The following NYAP2 variants were observed in gnomAD, a reference collection of about 807,000 sequenced individuals.
NYAP2 encodes neuronal tyrosine-phosphorylated phosphoinositide-3-kinase adapter 2.
In NYAP2, 23 loss-of-function variants were observed where a neutral mutation model predicts 50.4. The observed-to-expected ratio is 0.46, with a 90% CI of 0.33 to 0.65. The LOEUF (loss-of-function observed/expected upper bound fraction) is 0.65. Among genes scored for constraint, NYAP2 ranks in the 30% least tolerant of loss-of-function variants. The probability of loss-of-function intolerance (pLI) is 0.02; values close to 1 mark genes in which losing one functional copy is unlikely to be tolerated. For missense variants in NYAP2, 885 were observed against 861.0 expected, an observed-to-expected ratio of 1.03 and a Z score of -0.35; for synonymous variants, 394 against 365.2, an observed-to-expected ratio of 1.08 and a Z score of -0.90.
chr2:225,500,829 TC>T (rs1454067339), intron 3 of NYAP2, among the ~76,000 whole-genome samples: 9 of 152,326 alleles, frequency 5.9e-5, no homozygotes, highest in Admixed American at 2.0e-4. Context: ...AACTCATTTT[TC>T]TGGTATGAAA....
chr2:225,479,943 A>G (rs1461949079), intron 3 of NYAP2, among the ~76,000 whole-genome samples: 1 of 152,040 alleles, frequency 6.6e-6, no homozygotes, highest in African/African-American at 2.4e-5. Context: ...AAACAATCCC[A>G]AAGGTGAATA....
chr2:225,541,240 T>A lies in NYAP2; in HGVS notation c.523+27568T>A, dbSNP rs57384067. On this transcript the variant is annotated intron_variant, in intron 4 of 6. Coordinates refer to ENST00000636099, the Ensembl canonical transcript of NYAP2. Reference sequence around the variant, plus strand: ...AAATATTTTATTCCATTTTGTAGGTTGTCTCTTCACTTTGTTTATTGTTTC... The same window carrying A: ...AAATATTTTATTCCATTTTGTAGGTAGTCTCTTCACTTTGTTTATTGTTTC... Among the ~76,000 whole-genome samples the A allele has an allele frequency of 2.3e-3, 354 of 152,364 alleles. 4 individuals are homozygous for A. Among genetic ancestry groups the A allele is most frequent in the African/African-American group, 8.2e-3 (340 of 41,590 alleles).
chr2:225,528,318 A>G (rs1691190205), intron 4 of NYAP2, among the ~76,000 whole-genome samples: 1 of 152,208 alleles, frequency 6.6e-6, no homozygotes, highest in Admixed American at 6.5e-5. Context: ...TACATTCTAA[A>G]TACTTGGCAA....
intron 4 of NYAP2, among the ~76,000 whole-genome samples, chr2:225,537,068 G>A (rs1691364974): frequency 1.3e-5 from 2 of 152,062 alleles, no homozygotes; most frequent in Admixed American, 1.3e-4. Flanking sequence ...GTGAGCCACT[G>A]AGCCCGGCCT....
chr2:225,570,045 C>A (rs893140750), intron 4 of NYAP2, among the ~76,000 whole-genome samples: 1 of 152,224 alleles, frequency 6.6e-6, no homozygotes, highest in Admixed American at 6.5e-5. Context: ...TCTCTACAAG[C>A]AGGCTATGTC....
downstream of NYAP2, among the ~76,000 whole-genome samples, chr2:225,657,657 G>A (rs570150199): frequency 3.4e-4 from 51 of 150,630 alleles, 1 homozygote; most frequent in South Asian, 8.2e-3. Flanking sequence ...AAATGTAAGA[G>A]TAGAAAAACT....
rs552600584 is a variant in NYAP2 at position 225,468,860 on chromosome 2, T to A, written c.222-44511T>A. Among the ~76,000 whole-genome samples, 3 of 152,302 alleles carry A rather than the reference T, an allele frequency of 2.0e-5. No homozygotes were observed. The East Asian group carries it at 5.8e-4, about 29-fold the overall frequency. On this transcript the variant is annotated intron_variant, in intron 3 of 6. Transcript: ENST00000636099. ...TCTGTGTAACCTGTAAAGGTAATAG[T>A]TTGGACTATTTATTTGAATTACTAA...
chr2:225,513,450 G>C (rs750054802), exon 4 of NYAP2: 1 of 1,613,868 alleles, frequency 6.2e-7, no homozygotes. Context: ...GACAATGCCT[G>C]CTCCTCAGGA....
chr2:225,460,951 C>G (rs1350663830), intron 3 of NYAP2, among the ~76,000 whole-genome samples: 1 of 148,630 alleles, frequency 6.7e-6, no homozygotes, highest in Non-Finnish European at 1.5e-5. Context: ...CGAAATCGCG[C>G]CACTGCACTC....
downstream of NYAP2, among the ~76,000 whole-genome samples, chr2:225,656,456 C>T (rs888249650): frequency 2.6e-5 from 4 of 152,170 alleles, no homozygotes; most frequent in East Asian, 1.9e-4. Flanking sequence ...AAGCTCCTAA[C>T]TTCCCCTTTG....
intron 3 of NYAP2, among the ~76,000 whole-genome samples, chr2:225,504,828 T>G (rs1327271678): frequency 6.6e-6 from 1 of 151,942 alleles, no homozygotes; most frequent in Non-Finnish European, 1.5e-5. Flanking sequence ...ACCAAGGTGG[T>G]GAAATCCCGT....
At chr2:225,687,567 T>C in the NYAP2 span, among the ~76,000 whole-genome samples, 2 of 152,200 alleles carry the variant, frequency 1.3e-5, no homozygotes, top group East Asian at 3.9e-4. Flanking sequence ...TAAGACACTT[T>C]TGCAATTTTA....
chr2:225,536,767 T>C (rs1352808747), intron 4 of NYAP2, among the ~76,000 whole-genome samples: 1 of 151,674 alleles, frequency 6.6e-6, no homozygotes, highest in Non-Finnish European at 1.5e-5. Context: ...TTATTCATTC[T>C]TTCTTTCTTT....
At chr2:225,552,461 T>A (rs1227545000) in intron 4 of NYAP2, among the ~76,000 whole-genome samples, 1 of 152,178 alleles carries the variant, frequency 6.6e-6, no homozygotes, top group Non-Finnish European at 1.5e-5. Flanking sequence ...TGTGATGATA[T>A]TTGGAGATGA....
rs200394997 is a variant in NYAP2 at position 225,512,826 on chromosome 2, TC to T, written c.222-544del. 4.5e-3 allele frequency among the ~76,000 whole-genome samples: 240 copies of T among 53,674 alleles called. 8 individuals are homozygous for T. The highest frequency in any genetic ancestry group is 0.019 in the African/African-American group (225 of 11,854). 35.2% of individuals were successfully genotyped at this position (53,674 alleles called of 152,430 possible). On this transcript the variant is annotated intron_variant, in intron 3 of 6. Coordinates refer to ENST00000636099, the Ensembl canonical transcript of NYAP2. ...TCTCTTTCTTTTCTTTCTTTCTCTC[TC>T]TCTCTCTCTCTTTCTTTCTTTCTTT... is the stretch of plus-strand genomic sequence containing the variant.
chr2:225,425,328 G>A lies in NYAP2; in HGVS notation c.221+16227G>A, dbSNP rs576813896. Among the ~76,000 whole-genome samples the A allele has an allele frequency of 3.3e-5, 5 of 152,252 alleles. No homozygotes were observed. The South Asian group carries it at 1.0e-3, about 32-fold the overall frequency. Reference sequence around the variant, plus strand: ...TTTCTGTGTGTGTGACTGTGTGTGTGTTTGATCTATTGATGTTTTGATGGA... The same window carrying A: ...TTTCTGTGTGTGTGACTGTGTGTGTATTTGATCTATTGATGTTTTGATGGA... On this transcript the variant is annotated intron_variant, in intron 3 of 6. Coordinates refer to ENST00000636099, the Ensembl canonical transcript of NYAP2.
intron 3 of NYAP2, among the ~76,000 whole-genome samples, chr2:225,496,018 T>C (rs1690498945): frequency 6.6e-6 from 1 of 152,216 alleles, no homozygotes; most frequent in Non-Finnish European, 1.5e-5. Flanking sequence ...GTTGAAGGTA[T>C]ATACCAGGGA....
At chr2:225,468,923 G>T (rs996155039) in intron 3 of NYAP2, among the ~76,000 whole-genome samples, 3 of 152,046 alleles carry the variant, frequency 2.0e-5, no homozygotes, top group Admixed American at 6.6e-5. Context: ...CTGCCATTTG[G>T]CCAGGTAGTA....
At chr2:225,535,303 T>A (rs1479501225) in intron 4 of NYAP2, among the ~76,000 whole-genome samples, 1 of 152,192 alleles carries the variant, frequency 6.6e-6, no homozygotes, top group Non-Finnish European at 1.5e-5. Context: ...AAGAGCCTAT[T>A]TCCTTTGTCA....
Sources: allele counts gnomAD v4.1 joint callset (sites outside exome capture counted in the v4.1 genomes callset), GRCh38; gene constraint gnomAD v4.1.1; transcripts MANE v1.5; gene names NCBI Gene and HGNC (gene_info 2026-07-23, HGNC 2026-07-21).